CNGB3: variants seen among roughly 807,000 people sequenced by gnomAD.
CNGB3 encodes the protein cyclic nucleotide gated channel subunit beta 3.
In CNGB3, 86 loss-of-function variants were observed where a neutral mutation model predicts 92.8. The ratio of observed to expected loss-of-function variants is 0.93; its 90% CI spans 0.78 to 1.11. CNGB3 has a LOEUF of 1.11. Ranked by LOEUF, CNGB3 falls within the 50% of genes least tolerant of loss-of-function variation. The probability of loss-of-function intolerance (pLI) is 0.00; values close to 1 mark genes in which losing one functional copy is unlikely to be tolerated. For missense variants in CNGB3, 1,026 were observed against 956.8 expected, an observed-to-expected ratio of 1.07 and a Z score of -0.95; for synonymous variants, 333 against 332.7, an observed-to-expected ratio of 1.00 and a Z score of -0.01.
chr8:86,603,338 G>A (rs1017467485), intron 15 of CNGB3, among the ~76,000 whole-genome samples: 1 of 152,056 alleles, frequency 6.6e-6, no homozygotes, highest in African/African-American at 2.4e-5. Flanking sequence ...CACGTACCAG[G>A]CACTCCATAA....
chr8:86,612,996 C>T (rs1822549835), intron 13 of CNGB3, among the ~76,000 whole-genome samples: 1 of 152,100 alleles, frequency 6.6e-6, no homozygotes, highest in Admixed American at 6.6e-5. Context: ...AAACATTCCA[C>T]AAATATCCAT....
chr8:86,639,334 T>G (rs1269379005), intron 10 of CNGB3, among the ~76,000 whole-genome samples: 2 of 152,280 alleles, frequency 1.3e-5, no homozygotes, highest in African/African-American at 2.4e-5. Flanking sequence ...GTTCTCCTTT[T>G]GAACTAAATA....
At chr8:86,739,982 T>G (rs964459584) in intron 1 of CNGB3, among the ~76,000 whole-genome samples, 1 of 152,338 alleles carries the variant, frequency 6.6e-6, no homozygotes, top group African/African-American at 2.4e-5. Context: ...CTTGTTCACA[T>G]TCCTTCAATT....
intron 14 of CNGB3, among the ~76,000 whole-genome samples, chr8:86,604,531 T>C (rs1213349744): frequency 2.6e-5 from 4 of 152,174 alleles, no homozygotes; most frequent in Non-Finnish European, 5.9e-5. Context: ...TTAAGCATGG[T>C]CGAACCTGGC....
intron 6 of CNGB3, among the ~76,000 whole-genome samples, chr8:86,664,128 C>G (rs962737064): frequency 5.3e-5 from 8 of 152,176 alleles, no homozygotes; most frequent in African/African-American, 7.2e-5. Context: ...TTAACTAATG[C>G]TATAAAGTCT....
At chr8:86,611,812 G>A (rs1471457723) in intron 13 of CNGB3, 141 bp from the exon 14 acceptor site, 7 of 675,288 alleles carry the variant, frequency 1.0e-5, no homozygotes, top group African/African-American at 9.2e-5. Context: ...CTATGGACAT[G>A]TCATGACTCA....
chr8:86,594,737 T>C (rs1462570522), intron 15 of CNGB3: 2 of 157,772 alleles, frequency 1.3e-5, no homozygotes, highest in African/African-American at 5.1e-5. Flanking sequence ...TGAGAAGGAG[T>C]CTCGCTCTGT....
chr8:86,665,469 C>A (rs1354633708), intron 6 of CNGB3, among the ~76,000 whole-genome samples: 3 of 152,150 alleles, frequency 2.0e-5, no homozygotes, highest in African/African-American at 7.2e-5. Flanking sequence ...CATGCACCTG[C>A]ATGTTCATCG....
chr8:86,602,962 G>A (rs1363715535), intron 15 of CNGB3, among the ~76,000 whole-genome samples: 2 of 152,136 alleles, frequency 1.3e-5, no homozygotes, highest in African/African-American at 4.8e-5. Context: ...CTTATTCACT[G>A]TACTCCAGCC....
At chr8:86,644,974 G>T (rs571842587) in intron 8 of CNGB3, among the ~76,000 whole-genome samples, 12 of 150,836 alleles carry the variant, frequency 8.0e-5, no homozygotes, top group Middle Eastern at 3.4e-3. Context: ...TTTCCTTTTT[G>T]TTTTGAAAGC....
intron 3 of CNGB3, among the ~76,000 whole-genome samples, chr8:86,683,785 T>C (rs1824128633): frequency 6.6e-6 from 1 of 152,114 alleles, no homozygotes; most frequent in Non-Finnish European, 1.5e-5. Flanking sequence ...TGGACGGCCA[T>C]AGGCAAGAAA....
intron 6 of CNGB3, among the ~76,000 whole-genome samples, chr8:86,666,106 T>C (rs1029919858): frequency 2.6e-5 from 4 of 152,184 alleles, no homozygotes; most frequent in African/African-American, 9.7e-5. Context: ...CCTAAGAAGG[T>C]TGAGTAGGTT....
Position 86,664,536 on chromosome 8 carries a change from G to A in CNGB3, c.852+2389C>T, listed in dbSNP as rs139813948. 4.1e-4 allele frequency among the ~76,000 whole-genome samples: 63 copies of A among 152,284 alleles called. 1 individual carries two copies. Among genetic ancestry groups the A allele is most frequent in the African/African-American group, 1.5e-3 (63 of 41,562 alleles). On this transcript the variant is annotated intron_variant, in intron 6 of 17. Coordinates refer to ENST00000320005, the MANE Select transcript of CNGB3 (RefSeq NM_019098.5). ...CTAGTTAGCTGGGGAAGGGGCTTGGGGTAGTGGTTATAAGACTTGGGTTTG... is the reference window on the plus strand; with the variant it reads ...CTAGTTAGCTGGGGAAGGGGCTTGGAGTAGTGGTTATAAGACTTGGGTTTG...
intron 13 of CNGB3, among the ~76,000 whole-genome samples, chr8:86,615,750 A>G (rs540598189): frequency 2.0e-5 from 3 of 152,324 alleles, no homozygotes; most frequent in Non-Finnish European, 4.4e-5. Flanking sequence ...TAAACACACT[A>G]CTACCAGTTT....
chr8:86,643,409 CTT>C (rs1158501819), intron 10 of CNGB3, among the ~76,000 whole-genome samples: 2 of 151,386 alleles, frequency 1.3e-5, no homozygotes, highest in African/African-American at 4.8e-5. Context: ...CTTTAATCCA[CTT>C]TTCTTTATGC....
intron 13 of CNGB3, among the ~76,000 whole-genome samples, chr8:86,623,132 A>T (rs114328025): frequency 2.8e-3 from 419 of 152,186 alleles, no homozygotes; most frequent in African/African-American, 9.5e-3. Flanking sequence ...CCATACTTAC[A>T]TCTTAAGTGA....
intron 13 of CNGB3, among the ~76,000 whole-genome samples, chr8:86,625,198 C>G (rs1822822361): frequency 6.6e-6 from 1 of 152,126 alleles, no homozygotes; most frequent in Admixed American, 6.5e-5. Flanking sequence ...TAACTTTGTT[C>G]ATGGCGTTAT....
intron 15 of CNGB3, among the ~76,000 whole-genome samples, chr8:86,598,961 C>T (rs1310237773): frequency 6.6e-6 from 1 of 152,118 alleles, no homozygotes; most frequent in Non-Finnish European, 1.5e-5. Flanking sequence ...CAACCCACTA[C>T]AGGCATCACG....
intron 7 of CNGB3, among the ~76,000 whole-genome samples, chr8:86,650,423 A>G (rs1293721850): frequency 6.6e-6 from 1 of 151,494 alleles, no homozygotes; most frequent in African/African-American, 2.4e-5. Context: ...TATGAAAAAG[A>G]CACATGCACA....
Sources: gnomAD v4.1 joint callset for allele counts (sites outside exome capture counted in the v4.1 genomes callset) on GRCh38, gnomAD v4.1.1 for gene constraint, MANE v1.5 for transcripts, NCBI Gene and HGNC (gene_info 2026-07-23, HGNC 2026-07-21) for gene names.